The following COL5A1 variants were observed in gnomAD, a reference collection of about 807,000 sequenced individuals.
COL5A1 encodes collagen type V alpha 1 chain, also known as collagen alpha-1(V) chain.
COL5A1 carries 16 observed loss-of-function variants against 263.7 expected under a neutral mutation model. The ratio of observed to expected loss-of-function variants is 0.06; its 90% CI spans 0.04 to 0.09. COL5A1 has a LOEUF of 0.09. Among genes scored for constraint, COL5A1 ranks in the 10% least tolerant of loss-of-function variants. The pLI, the probability that COL5A1 is intolerant of heterozygous loss-of-function variation, is 1.00. For synonymous variants in COL5A1, 1,012 were observed against 1,004.5 expected, an observed-to-expected ratio of 1.01 and a Z score of -0.14; for missense variants, 2,036 against 2,540.5, an observed-to-expected ratio of 0.80 and a Z score of 4.27.
chr9:134,766,585 C>A, intron 22 of COL5A1, 87 bp downstream of exon 22: 2 of 1,378,404 alleles, frequency 1.5e-6, no homozygotes, highest in East Asian at 2.3e-5. Context: ...CATCGCTGTC[C>A]ACATCAGCTG....
At chr9:134,666,193 TA>T (rs2132505217) in intron 1 of COL5A1, among the ~76,000 whole-genome samples, 1 of 152,224 alleles carries the variant, frequency 6.6e-6, no homozygotes, top group Non-Finnish European at 1.5e-5. Context: ...GCTCCGAAAA[TA>T]GGAGTGTGCC....
rs143053726 is a variant in COL5A1 at position 134,819,248 on chromosome 9, G to C, written c.4446+195G>C. On this transcript the variant is annotated intron_variant, in intron 57 of 65. Coordinates refer to ENST00000371817, the MANE Select transcript of COL5A1 (RefSeq NM_000093.5). Reference sequence around the variant, plus strand: ...TTTGAGGCTTGGCCCCTGCCTCTGGGGGGTCCTGAGCAGCTCGGGAGATCC... The same window carrying C: ...TTTGAGGCTTGGCCCCTGCCTCTGGCGGGTCCTGAGCAGCTCGGGAGATCC... Among the ~76,000 whole-genome samples, 741 of 152,274 alleles carry C rather than the reference G, an allele frequency of 4.9e-3. 3 individuals are homozygous for C. The highest frequency in any genetic ancestry group is 0.02 in the Middle Eastern group (6 of 294).
chr9:134,669,085 C>T (rs1183739243), intron 1 of COL5A1, among the ~76,000 whole-genome samples: 4 of 151,918 alleles, frequency 2.6e-5, no homozygotes, highest in African/African-American at 9.7e-5. Flanking sequence ...TCCACCCATC[C>T]TTTCACCCAT....
At chr9:134,783,841 A>G (rs60029413) in intron 29 of COL5A1, among the ~76,000 whole-genome samples, 18,154 of 152,294 alleles carry the variant, frequency 0.12, 1,572 homozygotes, top group African/African-American at 0.24. Flanking sequence ...CTTTCCTAGT[A>G]GAAGGCTCCT....
intron 1 of COL5A1, among the ~76,000 whole-genome samples, chr9:134,665,032 C>T (rs554409138): frequency 1.3e-5 from 2 of 152,328 alleles, no homozygotes; most frequent in East Asian, 3.9e-4. Context: ...AACCCTGTCT[C>T]TGCTGAAAAT....
At chr9:134,691,632 T>G (rs67349136) in intron 2 of COL5A1, 10,453 of 158,284 alleles carry the variant, frequency 0.066, 456 homozygotes, top group Non-Finnish European at 0.092. Flanking sequence ...AGATACAGCA[T>G]CCAAGTTGTC....
At chr9:134,839,440 C>T (rs372185408) in intron 65 of COL5A1, among the ~76,000 whole-genome samples, 5 of 152,324 alleles carry the variant, frequency 3.3e-5, no homozygotes, top group South Asian at 4.1e-4. Flanking sequence ...AAATGCTGCC[C>T]GTCCCTCTGG....
At chr9:134,718,671 G>A (rs1834352038) in intron 4 of COL5A1, among the ~76,000 whole-genome samples, 2 of 152,212 alleles carry the variant, frequency 1.3e-5, no homozygotes, top group Admixed American at 1.3e-4. Flanking sequence ...CTGTGTGCAG[G>A]ATGTGTGACT....
Position 134,687,474 on chromosome 9 carries a change from T to C in COL5A1, c.110-3438T>C, listed in dbSNP as rs777087791. Among the ~76,000 whole-genome samples, 462 of 150,774 alleles carry C rather than the reference T, an allele frequency of 3.1e-3. 1 individual carries two copies. Among genetic ancestry groups the C allele is most frequent in the African/African-American group, 7.3e-3 (299 of 40,950 alleles). ...ATCCATCCATCATCCATCCATCCAT[T>C]CATCCATCCATCCATCCATCCATCC... On this transcript the variant is annotated intron_variant, in intron 1 of 65. Transcript: ENST00000371817.
chr9:134,695,091 C>T (rs889237932), intron 2 of COL5A1, among the ~76,000 whole-genome samples: 5 of 152,192 alleles, frequency 3.3e-5, no homozygotes, highest in African/African-American at 7.2e-5. Context: ...TGGATCAGCA[C>T]GCATCCTCCT....
intron 23 of COL5A1, 84 bp downstream of exon 23, chr9:134,767,137 G>A: frequency 6.6e-7 from 1 of 1,522,882 alleles, no homozygotes; most frequent in Admixed American, 1.8e-5. Flanking sequence ...GGAGGAAGCG[G>A]GGAGCTCTGT....
intron 38 of COL5A1, 111 bp downstream of exon 38, chr9:134,802,118 C>A: frequency 9.2e-7 from 1 of 1,087,204 alleles, no homozygotes; most frequent in Non-Finnish European, 1.4e-6. Context: ...GGTGCAGGTA[C>A]TGCTGAGAGG....
Position 134,843,077 on chromosome 9 carries a change from G to A in COL5A1, c.*774G>A, listed in dbSNP as rs537894529. 6 of 147,074 alleles carry A rather than the reference G, an allele frequency of 4.1e-5. No homozygotes were observed. In the East Asian group the frequency reaches 1.0e-3, roughly 25 times the overall value. The allele number at this position is 147,074 out of a possible 1,614,324, so 9.1% of individuals were successfully genotyped here. A position where few individuals can be genotyped will look rare whatever the true frequency, so the allele number is the denominator to read the frequency against. On this transcript the variant is annotated 3_prime_UTR_variant, in exon 66 of 66. Transcript: ENST00000371817. ...GTGCAATAAATTGGAAGTTTGCCCC[G>A]GGGCAGCAAGAATTTATGCTGCCAT...
chr9:134,812,123 T>C (rs1838546144), intron 46 of COL5A1, among the ~76,000 whole-genome samples: 1 of 152,236 alleles, frequency 6.6e-6, no homozygotes, highest in African/African-American at 2.4e-5. Context: ...ACATGATTTT[T>C]AGTCACTGCA....
chr9:134,822,234 G>C, intron 59 of COL5A1, 84 bp downstream of exon 59: 1 of 1,217,674 alleles, frequency 8.2e-7, no homozygotes, highest in Non-Finnish European at 1.2e-6. Context: ...TGGAGCTAGA[G>C]AATTGTGGAA....
At chr9:134,730,979 C>T (rs1030836782) in intron 7 of COL5A1, among the ~76,000 whole-genome samples, 1 of 152,200 alleles carries the variant, frequency 6.6e-6, no homozygotes, top group Admixed American at 6.5e-5. Context: ...AGTTAGTCTG[C>T]GTCTCTGGAC....
intron 4 of COL5A1, among the ~76,000 whole-genome samples, chr9:134,725,468 G>C (rs1834614269): frequency 6.6e-6 from 1 of 152,166 alleles, no homozygotes; most frequent in African/African-American, 2.4e-5. Context: ...ATGGTCAAAA[G>C]ATCCTCTGCT....
intron 19 of COL5A1, 49 bp downstream of exon 19, chr9:134,762,027 A>C (rs745966972): frequency 6.3e-7 from 1 of 1,587,122 alleles, no homozygotes; most frequent in African/African-American, 1.3e-5. Flanking sequence ...CCTACTCCTC[A>C]GTGATTTGGG....
chr9:134,658,503 G>A (rs1199719590), intron 1 of COL5A1, among the ~76,000 whole-genome samples: 1 of 152,192 alleles, frequency 6.6e-6, no homozygotes, highest in Non-Finnish European at 1.5e-5. Context: ...CACGCCCTGG[G>A]CCCCTTCACA....
Sources: allele counts gnomAD v4.1 joint callset (sites outside exome capture counted in the v4.1 genomes callset), GRCh38; gene constraint gnomAD v4.1.1; transcripts MANE v1.5; gene names NCBI Gene and HGNC (gene_info 2026-07-23, HGNC 2026-07-21).